The following NECAB3 variants were observed in gnomAD, a reference collection of about 807,000 sequenced individuals.
NECAB3 encodes the protein N-terminal EF-hand calcium binding protein 3.
In NECAB3, 38 loss-of-function variants were observed where a neutral mutation model predicts 57.2. The ratio of observed to expected loss-of-function variants is 0.66; its 90% CI spans 0.51 to 0.87. NECAB3 has a LOEUF of 0.87. Ranked by LOEUF, NECAB3 falls within the 40% of genes least tolerant of loss-of-function variation. The pLI, the probability that NECAB3 is intolerant of heterozygous loss-of-function variation, is 0.00. For synonymous variants in NECAB3, 223 were observed against 222.6 expected, an observed-to-expected ratio of 1.00 and a Z score of -0.02; for missense variants, 474 against 527.5, an observed-to-expected ratio of 0.90 and a Z score of 0.99.
chr20:33,672,510 C>G (rs2017848851), intron 1 of NECAB3, 88 bp from the exon 2 acceptor site: 1 of 1,519,300 alleles, frequency 6.6e-7, no homozygotes, highest in African/African-American at 1.4e-5. Flanking sequence ...CCCAGCTGGC[C>G]GACCTACCCC....
upstream of NECAB3, among the ~76,000 whole-genome samples, chr20:33,674,986 C>A (rs1311980160): frequency 1.3e-5 from 2 of 151,990 alleles, no homozygotes; most frequent in African/African-American, 4.8e-5. Flanking sequence ...GGTGTCACTT[C>A]GGTCTCCAGT....
chr20:33,663,602 A>G, intron 5 of NECAB3: 1 of 1,610,968 alleles, frequency 6.2e-7, no homozygotes, highest in Non-Finnish European at 8.5e-7. Flanking sequence ...CGGATTGACT[A>G]CGCGTCCGGC....
intron 1 of NECAB3, among the ~76,000 whole-genome samples, chr20:33,673,881 G>A (rs971702071): frequency 5.0e-4 from 76 of 152,234 alleles, no homozygotes; most frequent in African/African-American, 1.6e-3. Flanking sequence ...AGGGGCCCTT[G>A]CGTTTCCAGG....
In NECAB3 at chr20:33,660,481, A is replaced by G; in HGVS notation, c.388-86T>C. The stretch of plus-strand genomic sequence containing the variant: ...TCCCCTGCCTCTTGCCCATCAGAGC[A>G]GCGGTGGCAGTGCCAAGAGCAGGGG... On this transcript the variant is annotated intron_variant, in intron 5 of 11. Coordinates refer to ENST00000246190, the MANE Select transcript of NECAB3 (RefSeq NM_031232.4). The surrounding 1 kb of genome is among the most constrained non-coding windows in gnomAD (Gnocchi z 4.1). 6.5e-7 allele frequency: 1 copy of G among 1,540,878 alleles called. No individual in the cohort carries two copies. The highest frequency in any genetic ancestry group is 8.8e-7 in the Non-Finnish European group (1 of 1,135,736).
At chr20:33,667,827 C>G (rs1444464767) in intron 5 of NECAB3, 1 of 1,611,642 alleles carries the variant, frequency 6.2e-7, no homozygotes, top group African/African-American at 1.3e-5. Flanking sequence ...GCGTGGGTAA[C>G]GGGTGCTGCG....
At position 33,660,154 on chromosome 20, in the gene NECAB3, G is replaced by A. The variant is rs1040424433; in HGVS notation, c.524+105C>T. The A allele has an allele frequency of 3.4e-5, 52 of 1,533,914 alleles. No homozygotes were observed. The African/African-American group carries it at 5.5e-4, about 16-fold the overall frequency. On this transcript the variant is annotated intron_variant, in intron 6 of 11. Transcript: ENST00000246190. This position sits in a 1 kb window ranked among gnomAD's most constrained non-coding sequence, Gnocchi z 4.1. ...ATGGCTACCCTGCCATGGCTTCCCC[G>A]CCCGAAAATGCAGGCTCCAGGATGC...
chr20:33,663,980 C>G lies in NECAB3; in HGVS notation c.388-3585G>C, dbSNP rs2017579043. The G allele has an allele frequency of 3.2e-6, 3 of 945,434 alleles. No homozygotes were observed. The South Asian group carries it at 6.2e-5, about 20-fold the overall frequency. The allele number at this position is 945,434 out of a possible 1,614,324, so 58.6% of individuals were successfully genotyped here. ...GGGTGGGCAAAGCTCAGCCTAGGAGCCGCAGAGGGGTGAACGGGGCGTGAT... is the reference window on the plus strand; with the variant it reads ...GGGTGGGCAAAGCTCAGCCTAGGAGGCGCAGAGGGGTGAACGGGGCGTGAT... On this transcript the variant is annotated intron_variant, in intron 5 of 11. Coordinates refer to ENST00000246190, the MANE Select transcript of NECAB3 (RefSeq NM_031232.4).
intron 1 of NECAB3, among the ~76,000 whole-genome samples, 186 bp downstream of exon 1, chr20:33,674,038 G>A (rs2017892804): frequency 1.3e-5 from 2 of 152,320 alleles, no homozygotes; most frequent in Non-Finnish European, 2.9e-5. Context: ...CACTGGAGCA[G>A]GGACAAGAGG....
chr20:33,660,433 C>G lies in NECAB3; in HGVS notation c.388-38G>C. On this transcript the variant is annotated intron_variant, in intron 5 of 11. Transcript: ENST00000246190. The surrounding 1 kb of genome is among the most constrained non-coding windows in gnomAD (Gnocchi z 4.1). ...GAGGGACGGTCAGCATCTCCCAGCC[C>G]GGGCACTGATCTCTTGAGTGGGTCC... 6.2e-7 allele frequency: 1 copy of G among 1,604,614 alleles called. No individual in the cohort carries two copies. The highest frequency in any genetic ancestry group is 8.5e-7 in the Non-Finnish European group (1 of 1,173,870).
At position 33,672,427 on chromosome 20, in the gene NECAB3, AG is replaced by A; in HGVS notation, c.130-6del. ...CTTGTCTGCTCTGCGGAAAACCTAGAGGACAAAGGGACATAGAGAGAACTGT... is the reference window on the plus strand; with the variant it reads ...CTTGTCTGCTCTGCGGAAAACCTAGAGACAAAGGGACATAGAGAGAACTGT... On this transcript the variant is annotated splice_polypyrimidine_tract_variant and splice_region_variant and intron_variant, in intron 1 of 11. Coordinates refer to ENST00000246190, the MANE Select transcript of NECAB3 (RefSeq NM_031232.4). 6.2e-7 allele frequency: 1 copy of A among 1,614,174 alleles called. No individual in the cohort carries two copies. The highest frequency in any genetic ancestry group is 8.5e-7 in the Non-Finnish European group (1 of 1,180,010).
rs1253764407 is a variant in NECAB3 at position 33,657,807 on chromosome 20, C to T, written c.*22G>A. 2.0e-6 allele frequency: 3 copies of T among 1,519,394 alleles called. No individual in the cohort carries two copies. The highest frequency in any genetic ancestry group is 1.8e-6 in the Non-Finnish European group (2 of 1,129,658). 94.1% of individuals were successfully genotyped at this position (1,519,394 alleles called of 1,614,324 possible). A position where few individuals can be genotyped will look rare whatever the true frequency, so the allele number is the denominator to read the frequency against. On this transcript the variant is annotated 3_prime_UTR_variant, in exon 12 of 12. Coordinates refer to ENST00000246190, the MANE Select transcript of NECAB3 (RefSeq NM_031232.4). ...AGGGAGGCAGGCAGGGTCCCGGGGC[C>T]CTCGGCGTGTGCAGGTCTGGCTCAG...
chr20:33,673,455 G>C (rs2049012038), intron 1 of NECAB3, among the ~76,000 whole-genome samples: 1 of 152,288 alleles, frequency 6.6e-6, no homozygotes, highest in South Asian at 2.1e-4. Flanking sequence ...GAGTGGGCAG[G>C]GGTGCTAAGC....
intron 7 of NECAB3, 56 bp from the exon 8 acceptor site, chr20:33,659,788 T>A: frequency 6.5e-7 from 1 of 1,534,244 alleles, no homozygotes. Context: ...CCGCAGGTGC[T>A]CAGAATGAAG....
At position 33,659,739 on chromosome 20, in the gene NECAB3, GT is replaced by G. The variant is rs1568892094; in HGVS notation, c.644-8del. On this transcript the variant is annotated splice_region_variant and splice_polypyrimidine_tract_variant and intron_variant, in intron 7 of 11. Transcript: ENST00000246190. Reference sequence around the variant, plus strand: ...TCGGCCTCTGAGCTGCGCCCTGTGTGTGGGGCCCGTGCAGGGTCAGGCAGGG... The same window carrying G: ...TCGGCCTCTGAGCTGCGCCCTGTGTGGGGGCCCGTGCAGGGTCAGGCAGGG... The G allele has an allele frequency of 6.9e-6, 11 of 1,583,066 alleles. No homozygotes were observed. The highest frequency in any genetic ancestry group is 9.4e-6 in the Non-Finnish European group (11 of 1,168,356).
At chr20:33,663,831 G>C in intron 5 of NECAB3, 6 of 1,398,864 alleles carry the variant, frequency 4.3e-6, no homozygotes, top group Non-Finnish European at 5.5e-6. Context: ...AGGAGCAGCC[G>C]CGCAAACGGT....
chr20:33,672,436 G>A lies in NECAB3; in HGVS notation c.130-14C>T, dbSNP rs779778662. 1.7e-5 allele frequency: 27 copies of A among 1,613,966 alleles called. No individual in the cohort carries two copies. Among genetic ancestry groups the A allele is most frequent in the East Asian group, 2.2e-5 (1 of 44,902 alleles). ...TCTGCGGAAAACCTAGAGGACAAAG[G>A]GACATAGAGAGAACTGTGAGTGCCA... On this transcript the variant is annotated splice_polypyrimidine_tract_variant and intron_variant, in intron 1 of 11. Transcript: ENST00000246190.
chr20:33,671,992 C>T (rs1415904750), intron 2 of NECAB3: 1 of 208,118 alleles, frequency 4.8e-6, no homozygotes, highest in South Asian at 8.6e-5. Context: ...TGCAAAGACC[C>T]AAGTTCGAGC....
intron 5 of NECAB3, chr20:33,667,628 G>C (rs375079608): frequency 6.2e-7 from 1 of 1,602,670 alleles, no homozygotes; most frequent in Non-Finnish European, 8.5e-7. Context: ...GCCACCTTCC[G>C]ACTGAACGTG....
intron 5 of NECAB3, chr20:33,662,573 G>A: frequency 7.5e-7 from 1 of 1,329,644 alleles, no homozygotes; most frequent in Non-Finnish European, 1.0e-6. Flanking sequence ...GGCCTTGTAT[G>A]CAGAAGTCCT....
Sources: allele counts gnomAD v4.1 joint callset (sites outside exome capture counted in the v4.1 genomes callset), GRCh38; gene constraint gnomAD v4.1.1; non-coding constraint Gnocchi (gnomAD v3.1); transcripts MANE v1.5; gene names NCBI Gene and HGNC (gene_info 2026-07-23, HGNC 2026-07-21).